PLCXD3: variants seen among roughly 807,000 people sequenced by gnomAD.
PLCXD3 encodes PI-PLC X domain-containing protein 3.
Under a neutral mutation model 25.5 loss-of-function variants are expected in PLCXD3, and 19 were observed. The observed-to-expected ratio is 0.75, with a 90% confidence interval of 0.52 to 1.09. PLCXD3 has a LOEUF of 1.09. PLCXD3 is among the 50% of genes least tolerant of loss of function. The pLI is 0.00. For synonymous variants in PLCXD3, 174 were observed against 137.6 expected, an observed-to-expected ratio of 1.26 and a Z score of -1.85; for missense variants, 411 against 388.1, an observed-to-expected ratio of 1.06 and a Z score of -0.50.
chr5:41,432,471 A>G (rs1747139705), intron 1 of PLCXD3, among the ~76,000 whole-genome samples: 1 of 152,230 alleles, frequency 6.6e-6, no homozygotes, highest in Non-Finnish European at 1.5e-5. Flanking sequence ...GATGTACTGC[A>G]TTGAGGTTGT....
chr5:41,381,987 G>A lies in PLCXD3; in HGVS notation c.651C>T (p.Ala217=). 6.2e-7 allele frequency: 1 copy of A among 1,613,456 alleles called. No homozygotes were observed. The highest frequency in any genetic ancestry group is 1.3e-5 in the African/African-American group (1 of 74,984). Reference sequence around the variant, plus strand: ...TCAGTTTCTCGGGGTCTGTGGTGTTGGCCCAGGGTGCTGGCATCATCTGCC... The same window carrying A: ...TCAGTTTCTCGGGGTCTGTGGTGTTAGCCCAGGGTGCTGGCATCATCTGCC... The part of the protein sequence containing the change: ...WPGQMMPAPW[A]NTTDPEKLIQ... The change falls in exon 2 of 3, where the codon GCC becomes GCT. Residue 217 remains alanine, a synonymous_variant. Transcript: ENST00000377801.
chr5:41,307,034 A>T lies in PLCXD3; in HGVS notation c.*6583T>A, dbSNP rs567264158. On this transcript the variant is annotated 3_prime_UTR_variant, in exon 3 of 3. Transcript: ENST00000377801. ...TTACATTAAGAACACAATCTTATTT[A>T]AAAAATTCACATTTTCTATACAGAC... 1.7e-4 allele frequency: 26 copies of T among 152,732 alleles called. No homozygotes were observed. The highest frequency in any genetic ancestry group is 3.4e-4 in the African/African-American group (14 of 41,572). 9.5% of individuals were successfully genotyped at this position (152,732 alleles called of 1,614,324 possible).
chr5:41,431,986 C>T lies in PLCXD3; in HGVS notation c.104-49452G>A, dbSNP rs150254146. On this transcript the variant is annotated intron_variant, in intron 1 of 2. Transcript: ENST00000377801. The stretch of plus-strand genomic sequence containing the variant: ...TGGGACCTTGAGCAAGAGGACCACG[C>T]AGGAGAAGCTAGTTAGGGAATGAGA... 3.1e-4 allele frequency among the ~76,000 whole-genome samples: 47 copies of T among 152,168 alleles called. No homozygotes were observed. The East Asian group carries it at 5.6e-3, about 18-fold the overall frequency.
chr5:41,509,842 G>A lies in PLCXD3; in HGVS notation c.103+582C>T, dbSNP rs146660992. On this transcript the variant is annotated intron_variant, in intron 1 of 2. Coordinates refer to ENST00000377801, the MANE Select transcript of PLCXD3 (RefSeq NM_001005473.3). ...GTGCCCTCTGCCCGTCGCCCCCTTG[G>A]GCTCCTTTTCAAGGGCAGCTATCAC... is the stretch of plus-strand genomic sequence containing the variant. Among the ~76,000 whole-genome samples the A allele has an allele frequency of 9.4e-3, 1,428 of 152,288 alleles. 11 individuals are homozygous for A. The highest frequency in any genetic ancestry group is 0.018 in the South Asian group (87 of 4,828).
chr5:41,434,432 G>C (rs1747188134), intron 1 of PLCXD3, among the ~76,000 whole-genome samples: 1 of 152,184 alleles, frequency 6.6e-6, no homozygotes, highest in Non-Finnish European at 1.5e-5. Context: ...GCTAATACCA[G>C]AAAGATCTGA....
intron 1 of PLCXD3, among the ~76,000 whole-genome samples, chr5:41,426,414 C>A (rs1746958496): frequency 6.6e-6 from 1 of 151,702 alleles, no homozygotes; most frequent in African/African-American, 2.4e-5. Context: ...TTATTTTATT[C>A]TTTTCTGCCT....
intron 2 of PLCXD3, among the ~76,000 whole-genome samples, chr5:41,324,354 T>C (rs189117412): frequency 1.3e-5 from 2 of 152,248 alleles, no homozygotes; most frequent in Non-Finnish European, 2.9e-5. Context: ...CAACACTGGG[T>C]CAATGACCTT....
intron 1 of PLCXD3, among the ~76,000 whole-genome samples, chr5:41,388,095 T>C (rs1424333059): frequency 6.6e-6 from 1 of 152,024 alleles, no homozygotes; most frequent in Non-Finnish European, 1.5e-5. Flanking sequence ...TAATTTTGCC[T>C]TAGTTTCTTG....
chr5:41,367,813 TG>T, intron 2 of PLCXD3, among the ~76,000 whole-genome samples: 1 of 152,334 alleles, frequency 6.6e-6, no homozygotes, highest in East Asian at 1.9e-4. Context: ...AGTTGATTTT[TG>T]TATATGGCGT....
chr5:41,405,021 T>A (rs1424289089), intron 1 of PLCXD3, among the ~76,000 whole-genome samples: 2 of 152,182 alleles, frequency 1.3e-5, no homozygotes, highest in African/African-American at 4.8e-5. Context: ...CATGTTTTCT[T>A]GTCCTTGCCT....
In PLCXD3 at chr5:41,323,073, A is replaced by C. The variant is rs562466538; in HGVS notation, c.813-9303T>G. Among the ~76,000 whole-genome samples the C allele has an allele frequency of 1.3e-5, 2 of 152,208 alleles. 1 individual carries two copies. Among genetic ancestry groups the C allele is most frequent in the South Asian group, 4.1e-4 (2 of 4,832 alleles). ...ATAAGATTCAGTCATTTGCAACGACATGCATGGAACTGGAGATCATTATGT... is the reference window on the plus strand; with the variant it reads ...ATAAGATTCAGTCATTTGCAACGACCTGCATGGAACTGGAGATCATTATGT... On this transcript the variant is annotated intron_variant, in intron 2 of 2. Transcript: ENST00000377801.
At chr5:41,438,453 C>T (rs1436922729) in intron 1 of PLCXD3, among the ~76,000 whole-genome samples, 5 of 152,134 alleles carry the variant, frequency 3.3e-5, no homozygotes, top group East Asian at 1.9e-4. Context: ...CCCACCTGCA[C>T]GCTGGGAGAA....
Position 41,312,677 on chromosome 5 carries a change from T to C in PLCXD3, c.*940A>G, listed in dbSNP as rs1743164984. ...TTCCCTCCCTTCCTCCCTCCCTTCC[T>C]TTCTTCCTTTCCTTCCTTCCTTCCT... On this transcript the variant is annotated 3_prime_UTR_variant, in exon 3 of 3. Transcript: ENST00000377801. The C allele has an allele frequency of 8.8e-6, 1 of 113,614 alleles. No homozygotes were observed. The highest frequency in any genetic ancestry group is 3.3e-5 in the African/African-American group (1 of 30,532). 7.0% of individuals were successfully genotyped at this position (113,614 alleles called of 1,614,324 possible). A position where few individuals can be genotyped will look rare whatever the true frequency, so the allele number is the denominator to read the frequency against.
chr5:41,411,928 CTCCATATATATGTA>C (rs1327318803), intron 1 of PLCXD3, among the ~76,000 whole-genome samples: 2 of 3,440 alleles, frequency 5.8e-4, no homozygotes, highest in East Asian at 1.1e-3. Context: ...ATATATATAT[CTCCATATATATGTA>C]TCCATATATA....
rs76501501 is a variant in PLCXD3 at position 41,313,236 on chromosome 5, C to T, written c.*381G>A. ...CCATACAGCATCTGATTAAAAAGAG[C>T]GAGCAAGAGAGGGAGCAGAAAGGTT... On this transcript the variant is annotated 3_prime_UTR_variant, in exon 3 of 3. Coordinates refer to ENST00000377801, the MANE Select transcript of PLCXD3 (RefSeq NM_001005473.3). The T allele has an allele frequency of 0.039, 6,824 of 173,582 alleles. 183 individuals are homozygous for T. Among genetic ancestry groups the T allele is most frequent in the Non-Finnish European group, 0.054 (4,336 of 80,534 alleles). The allele number at this position is 173,582 out of a possible 1,614,324, so 10.8% of individuals were successfully genotyped here. A position where few individuals can be genotyped will look rare whatever the true frequency, so the allele number is the denominator to read the frequency against.
At chr5:41,482,071 CT>C (rs75352757) in intron 1 of PLCXD3, among the ~76,000 whole-genome samples, 4,341 of 149,846 alleles carry the variant, frequency 0.029, 134 homozygotes, top group South Asian at 0.15. Context: ...TTCAAGATAA[CT>C]TTTTTTTTTA....
intron 1 of PLCXD3, among the ~76,000 whole-genome samples, chr5:41,428,060 C>CTCAACTTGT (rs1747003760): frequency 6.6e-6 from 1 of 152,114 alleles, no homozygotes; most frequent in South Asian, 2.1e-4. Context: ...CTTTGAGTCC[C>CTCAACTTGT]TCAACTTGTG....
intron 1 of PLCXD3, among the ~76,000 whole-genome samples, chr5:41,433,525 GA>G (rs1464186958): frequency 6.6e-6 from 1 of 152,092 alleles, no homozygotes; most frequent in African/African-American, 2.4e-5. Context: ...ACCATCCCAA[GA>G]TGGAAGCAGC....
intron 2 of PLCXD3, among the ~76,000 whole-genome samples, chr5:41,316,882 C>T (rs181624093): frequency 1.3e-5 from 2 of 152,180 alleles, no homozygotes; most frequent in Non-Finnish European, 2.9e-5. Flanking sequence ...TGGCTCTACT[C>T]CCTGACTCCA....
Sources: gnomAD v4.1 joint callset for allele counts (sites outside exome capture counted in the v4.1 genomes callset) on GRCh38, gnomAD v4.1.1 for gene constraint, MANE v1.5 for transcripts, NCBI Gene and HGNC (gene_info 2026-07-23, HGNC 2026-07-21) for gene names.